GREP1: variants seen among roughly 807,000 people sequenced by gnomAD.
GREP1 encodes the protein glycine rich extracellular protein 1.
intron 20 of GREP1, 129 bp downstream of exon 19, chr16:2,996,834 G>C (rs759383054): frequency 2.5e-6 from 1 of 398,898 alleles, no homozygotes. Context: ...TAGGAGCACC[G>C]AGGACCGAGG....
Position 2,996,721 on chromosome 16 carries a change from G to A in GREP1, c.745+16G>A, listed in dbSNP as rs1222369862. ...CAGATGCCAGGTGAGGGGACTGCCTGTGTCTGTGGCCCCACCTCCCCTAGA... is the reference window on the plus strand; with the variant it reads ...CAGATGCCAGGTGAGGGGACTGCCTATGTCTGTGGCCCCACCTCCCCTAGA... On this transcript the variant is annotated intron_variant, in intron 20 of 34. Coordinates refer to ENST00000573315, the Ensembl canonical transcript of GREP1. 2 of 398,798 alleles carry A rather than the reference G, an allele frequency of 5.0e-6. No homozygotes were observed. Among genetic ancestry groups the A allele is most frequent in the Non-Finnish European group, 8.8e-6 (2 of 226,248 alleles). 24.7% of individuals were successfully genotyped at this position (398,798 alleles called of 1,614,324 possible).
Position 2,991,937 on chromosome 16 carries a change from G to A in GREP1, c.322+836G>A, listed in dbSNP as rs992221696. 7 of 152,512 alleles carry A rather than the reference G, an allele frequency of 4.6e-5. No homozygotes were observed. The highest frequency in any genetic ancestry group is 1.4e-4 in the African/African-American group (6 of 41,438). The allele number at this position is 152,512 out of a possible 1,614,324, so 9.4% of individuals were successfully genotyped here. A position where few individuals can be genotyped will look rare whatever the true frequency, so the allele number is the denominator to read the frequency against. On this transcript the variant is annotated intron_variant, in intron 8 of 34. Coordinates refer to ENST00000573315, the Ensembl canonical transcript of GREP1. The surrounding 1 kb of genome is among the most constrained non-coding windows in gnomAD (Gnocchi z 4.9). ...GGAGGGCCTGGGCTTGGGTCTGGGGGCTCCAGGGAGCTGCAGCCTCCTTTA... is the reference window on the plus strand; with the variant it reads ...GGAGGGCCTGGGCTTGGGTCTGGGGACTCCAGGGAGCTGCAGCCTCCTTTA...
chr16:2,998,369 C>A, exon 24 of GREP1: 1 of 399,338 alleles, frequency 2.5e-6, no homozygotes, highest in Non-Finnish European at 4.4e-6. Flanking sequence ...TGCGAGGGAC[C>A]TTGAAGCCTC....
chr16:2,993,153 G>A (rs1234011267), intron 10 of GREP1, 190 bp downstream of exon 11: 2 of 385,650 alleles, frequency 5.2e-6, no homozygotes, highest in Non-Finnish European at 9.1e-6. Flanking sequence ...CTGGGAGCAT[G>A]GAGGTCTTAG....
chr16:2,999,677 C>T (rs1199653977), intron 27 of GREP1, among the ~76,000 whole-genome samples: 2 of 152,116 alleles, frequency 1.3e-5, no homozygotes, highest in African/African-American at 4.8e-5. Flanking sequence ...GTCTCAAACT[C>T]CTGGCTTCAA....
chr16:2,990,678 C>G, intron 7 of GREP1, 91 bp downstream of exon 6: 1 of 398,136 alleles, frequency 2.5e-6, no homozygotes, highest in Non-Finnish European at 4.4e-6. Context: ...GCAGCCAGAT[C>G]GGTGTTTCCA....
Position 2,989,022 on chromosome 16 carries a change from A to G in GREP1, c.100+400A>G, listed in dbSNP as rs182825632. On this transcript the variant is annotated intron_variant, in intron 2 of 34. Coordinates refer to ENST00000573315, the Ensembl canonical transcript of GREP1. The surrounding 1 kb of genome is among the most constrained non-coding windows in gnomAD (Gnocchi z 4.2). The stretch of plus-strand genomic sequence containing the variant: ...TTACTTCAGGGACCTGGGGGGTCCT[A>G]AGGGTAGAAGGAGGGGCTGCCCCTG... 25 of 249,674 alleles carry G rather than the reference A, an allele frequency of 1.0e-4. 1 individual carries two copies. Among genetic ancestry groups the G allele is most frequent in the Admixed American group, 6.1e-4 (11 of 17,972 alleles). The allele number at this position is 249,674 out of a possible 1,614,324, so 15.5% of individuals were successfully genotyped here.
At position 2,992,575 on chromosome 16, in the gene GREP1, CG is replaced by C. The variant is rs2072404572; in HGVS notation, c.323-228del. On this transcript the variant is annotated intron_variant, in intron 8 of 34. Coordinates refer to ENST00000573315, the Ensembl canonical transcript of GREP1. This position sits in a 1 kb window ranked among gnomAD's most constrained non-coding sequence, Gnocchi z 4.9. ...TGAGCACCCGTCCCAAGCCAGGCCTCGGCTGGCCATGGAGGACACCCAAGCT... is the reference window on the plus strand; with the variant it reads ...TGAGCACCCGTCCCAAGCCAGGCCTCGCTGGCCATGGAGGACACCCAAGCT... 1 of 372,934 alleles carries C rather than the reference CG, an allele frequency of 2.7e-6. No individual in the cohort carries two copies. Among genetic ancestry groups the C allele is most frequent in the Middle Eastern group, 6.7e-4 (1 of 1,482 alleles). 23.1% of individuals were successfully genotyped at this position (372,934 alleles called of 1,614,324 possible).
chr16:3,001,596 T>C (rs945727626), exon 35 of GREP1: 2 of 399,230 alleles, frequency 5.0e-6, no homozygotes, highest in East Asian at 7.1e-5. Flanking sequence ...AGCACTGCAA[T>C]GCCCCTCGCC....
In GREP1 at chr16:2,989,178, G is replaced by A. The variant is rs2072386439; in HGVS notation, c.101-345G>A. The A allele has an allele frequency of 3.1e-6, 1 of 323,412 alleles. No individual in the cohort carries two copies. The highest frequency in any genetic ancestry group is 4.9e-5 in the Admixed American group (1 of 20,230). The allele number at this position is 323,412 out of a possible 1,614,324, so 20.0% of individuals were successfully genotyped here. A position where few individuals can be genotyped will look rare whatever the true frequency, so the allele number is the denominator to read the frequency against. Reference sequence around the variant, plus strand: ...GATGGGAGAGGAGAGGAAGAGGGTGGAGTGGGCTCTGCCCCACAGTCCCCC... The same window carrying A: ...GATGGGAGAGGAGAGGAAGAGGGTGAAGTGGGCTCTGCCCCACAGTCCCCC... On this transcript the variant is annotated intron_variant, in intron 2 of 34. Coordinates refer to ENST00000573315, the Ensembl canonical transcript of GREP1. The surrounding 1 kb of genome is among the most constrained non-coding windows in gnomAD (Gnocchi z 4.2).
chr16:2,988,987 G>C (rs964143784), intron 2 of GREP1: 5 of 289,290 alleles, frequency 1.7e-5, no homozygotes, highest in Admixed American at 1.0e-4. Flanking sequence ...GGAGTGTCAT[G>C]GAAGAGTCTT....
intron 23 of GREP1, among the ~76,000 whole-genome samples, 176 bp from the exon 22 acceptor site, chr16:2,998,180 C>T (rs932722248): frequency 7.9e-5 from 12 of 152,180 alleles, no homozygotes; most frequent in African/African-American, 1.7e-4. Context: ...CAAGGTCCCC[C>T]ACTCCAACCC....
chr16:2,989,581 T>C lies in GREP1; in HGVS notation c.130+29T>C, dbSNP rs943638280. 4 of 396,888 alleles carry C rather than the reference T, an allele frequency of 1.0e-5. No individual in the cohort carries two copies. Among genetic ancestry groups the C allele is most frequent in the African/African-American group, 4.2e-5 (2 of 47,340 alleles). 24.6% of individuals were successfully genotyped at this position (396,888 alleles called of 1,614,324 possible). ...AGGCCTGGCATAGGGAAGGGAGGCG[T>C]CTGAGGGCAGGGCACGGGGCAGGGG... On this transcript the variant is annotated intron_variant, in intron 3 of 34. Transcript: ENST00000573315. This position sits in a 1 kb window ranked among gnomAD's most constrained non-coding sequence, Gnocchi z 4.2.
At chr16:2,996,584 G>A (rs2072426279) in intron 19 of GREP1, 53 bp downstream of exon 18, 2 of 399,406 alleles carry the variant, frequency 5.0e-6, no homozygotes, top group Non-Finnish European at 8.8e-6. Context: ...GACGGGAAGA[G>A]AGAAGCTGAG....
chr16:2,999,479 CTTTTTTT>C (rs35368761), intron 27 of GREP1, among the ~76,000 whole-genome samples: 1 of 75,536 alleles, frequency 1.3e-5, no homozygotes, highest in African/African-American at 6.0e-5. Flanking sequence ...CCCTCTTGCT[CTTTTTTT>C]TTTTTTTTTT....
At chr16:2,997,533 G>C (rs1390953860) in intron 22 of GREP1, 1 of 398,272 alleles carries the variant, frequency 2.5e-6, no homozygotes, top group Non-Finnish European at 4.4e-6. Flanking sequence ...CCTTAGACGG[G>C]GTAGAGTCTG....
rs550268091 is a variant in GREP1 at position 2,989,801 on chromosome 16, G to T, written c.131-173G>T. Among the ~76,000 whole-genome samples, 2 of 151,890 alleles carry T rather than the reference G, an allele frequency of 1.3e-5. No homozygotes were observed. Among genetic ancestry groups the T allele is most frequent in the East Asian group, 3.9e-4 (2 of 5,144 alleles). On this transcript the variant is annotated intron_variant, in intron 3 of 34. Coordinates refer to ENST00000573315, the Ensembl canonical transcript of GREP1. The surrounding 1 kb of genome is among the most constrained non-coding windows in gnomAD (Gnocchi z 4.2). ...AAGAGAGCAGAAAGGAAGGAGAGAG[G>T]GAAGGAGGGAGGGAAGGAGGCTGAT...
Position 2,996,490 on chromosome 16 carries a change from C to T in GREP1, c.677-6C>T, listed in dbSNP as rs549564134. 5.0e-6 allele frequency: 2 copies of T among 399,144 alleles called. No individual in the cohort carries two copies. The highest frequency in any genetic ancestry group is 2.5e-4 in the South Asian group (2 of 7,848). The allele number at this position is 399,144 out of a possible 1,614,324, so 24.7% of individuals were successfully genotyped here. ...CGTCTCACACCCTCCCCGTCCCTCC[C>T]CCTAGAATATGGCCATGGAAATGGA... On this transcript the variant is annotated splice_region_variant and splice_polypyrimidine_tract_variant and intron_variant, in intron 18 of 34. Transcript: ENST00000573315.
At chr16:2,999,975 C>T in intron 28 of GREP1, 32 bp downstream of exon 25, 1 of 399,140 alleles carries the variant, frequency 2.5e-6, no homozygotes, top group Non-Finnish European at 4.4e-6. Context: ...TTCCTCCCCT[C>T]CCTTCCCTTC....
Sources: gnomAD v4.1 joint callset for allele counts (sites outside exome capture counted in the v4.1 genomes callset) on GRCh38, gnomAD v4.1.1 for gene constraint, Gnocchi (gnomAD v3.1) non-coding constraint, MANE v1.5 for transcripts, NCBI Gene and HGNC (gene_info 2026-07-23, HGNC 2026-07-21) for gene names.